The following ZBTB7C variants were observed in gnomAD, a reference collection of about 807,000 sequenced individuals.
ZBTB7C encodes zinc finger and BTB domain containing 7C.
In ZBTB7C, 8 loss-of-function variants were observed where a neutral mutation model predicts 25.7. The ratio of observed to expected loss-of-function variants is 0.31; its 90% CI spans 0.18 to 0.56. The LOEUF (loss-of-function observed/expected upper bound fraction) is 0.56, where lower values mean the gene tolerates loss of function less well. Ranked by LOEUF, ZBTB7C falls within the 20% of genes least tolerant of loss-of-function variation. The pLI is 0.91. For synonymous variants in ZBTB7C, 394 were observed against 369.0 expected (o/e 1.07, Z -0.78); for missense variants, 824 against 855.2 (o/e 0.96, Z 0.46).
intron 2 of ZBTB7C, among the ~76,000 whole-genome samples, chr18:48,316,017 C>T (rs1420678534): frequency 1.3e-5 from 2 of 152,118 alleles, no homozygotes; most frequent in African/African-American, 4.8e-5. Flanking sequence ...AACTCTCCAG[C>T]CCTAGAGACC....
intron 2 of ZBTB7C, among the ~76,000 whole-genome samples, chr18:48,308,923 C>A (rs1598837753): frequency 6.6e-6 from 1 of 151,992 alleles, no homozygotes; most frequent in East Asian, 1.9e-4. Flanking sequence ...AGTCAGAGAA[C>A]CAAAGCTTTA....
At position 48,367,509 on chromosome 18, in the gene ZBTB7C, A is replaced by C. The variant is rs571239054; in HGVS notation, c.-303-29111T>G. On this transcript the variant is annotated intron_variant, in intron 1 of 4. Transcript: ENST00000590800. ...TTTATCCCAGACTTGGAGATGAAGA[A>C]GCCAGCAACCTGGAAATATCAATGC... is the stretch of plus-strand genomic sequence containing the variant. Among the ~76,000 whole-genome samples the C allele has an allele frequency of 4.4e-4, 66 of 151,610 alleles. 3 individuals are homozygous for C. In the South Asian group the frequency reaches 0.014, roughly 32 times the overall value.
At chr18:48,089,477 TC>T (rs1245037192) in intron 3 of ZBTB7C, among the ~76,000 whole-genome samples, 6 of 85,800 alleles carry the variant, frequency 7.0e-5, no homozygotes, top group Admixed American at 3.0e-4. Context: ...AGACTCCATC[TC>T]GAAAAAAAAA....
At chr18:48,363,290 G>A (rs1338629378) in intron 1 of ZBTB7C, among the ~76,000 whole-genome samples, 1 of 152,094 alleles carries the variant, frequency 6.6e-6, no homozygotes, top group African/African-American at 2.4e-5. Context: ...CAATTGAGAA[G>A]GGAGGCCACT....
chr18:48,226,692 G>A lies in ZBTB7C; in HGVS notation c.-78-40697C>T, dbSNP rs2145324359. ...GACAGCATGACTCTCTGGCCAGCTG[G>A]CCACAAGATTGAGTTTGAGCATCAT... On this transcript the variant is annotated intron_variant, in intron 2 of 4. Coordinates refer to ENST00000590800, the MANE Select transcript of ZBTB7C (RefSeq NM_001318841.2). Among the ~76,000 whole-genome samples the A allele has an allele frequency of 1.3e-5, 2 of 152,322 alleles. 1 individual carries two copies. Among genetic ancestry groups the A allele is most frequent in the South Asian group, 4.1e-4 (2 of 4,830 alleles).
At chr18:48,353,002 T>A (rs978742686) in intron 1 of ZBTB7C, among the ~76,000 whole-genome samples, 2 of 152,166 alleles carry the variant, frequency 1.3e-5, no homozygotes, top group African/African-American at 4.8e-5. Flanking sequence ...CTGCTCTACA[T>A]TAAATCAGAA....
intron 2 of ZBTB7C, among the ~76,000 whole-genome samples, chr18:48,238,576 G>C (rs770236628): frequency 2.6e-5 from 4 of 152,180 alleles, no homozygotes; most frequent in Non-Finnish European, 5.9e-5. Context: ...TAAATTTAGA[G>C]AGCCGAATGA....
intron 3 of ZBTB7C, among the ~76,000 whole-genome samples, chr18:48,159,242 C>T (rs901630225): frequency 2.0e-5 from 3 of 152,088 alleles, no homozygotes; most frequent in South Asian, 2.1e-4. Context: ...TTAAGCACAC[C>T]GATCCTAGAG....
intron 1 of ZBTB7C, among the ~76,000 whole-genome samples, chr18:48,379,683 A>G (rs2047594335): frequency 6.6e-6 from 1 of 152,200 alleles, no homozygotes; most frequent in Admixed American, 6.5e-5. Context: ...GAATAAAAAG[A>G]CAAGGCCCAG....
intron 2 of ZBTB7C, among the ~76,000 whole-genome samples, chr18:48,200,909 G>T (rs373095162): frequency 1.4e-4 from 22 of 152,220 alleles, no homozygotes; most frequent in African/African-American, 4.8e-4. Flanking sequence ...ACTGTGGGGA[G>T]AAGCTGAGGT....
At chr18:48,186,080 T>G (rs2145131215) in intron 2 of ZBTB7C, 85 bp from the exon 3 acceptor site, 1 of 152,634 alleles carries the variant, frequency 6.6e-6, no homozygotes, top group Middle Eastern at 3.4e-3. Flanking sequence ...CTCAGGCTTC[T>G]GCACCTTCTC....
chr18:48,084,376 C>T (rs775323690), intron 3 of ZBTB7C, among the ~76,000 whole-genome samples: 30 of 152,168 alleles, frequency 2.0e-4, no homozygotes, highest in Non-Finnish European at 3.7e-4. Context: ...TTTCACATCA[C>T]ACTCTATTTC....
intron 1 of ZBTB7C, among the ~76,000 whole-genome samples, chr18:48,389,669 A>G (rs540396836): frequency 1.3e-5 from 2 of 152,144 alleles, no homozygotes; most frequent in African/African-American, 4.8e-5. Context: ...CTCATTACTG[A>G]AGACCCCAGC....
intron 1 of ZBTB7C, chr18:48,408,691 C>T (rs968826581): frequency 6.6e-6 from 1 of 152,176 alleles, no homozygotes; most frequent in East Asian, 1.9e-4. Flanking sequence ...CTCACCAAAA[C>T]GCTCCCGCGC....
At chr18:48,085,997 C>A (rs2038176916) in intron 3 of ZBTB7C, among the ~76,000 whole-genome samples, 1 of 152,218 alleles carries the variant, frequency 6.6e-6, no homozygotes, top group Non-Finnish European at 1.5e-5. Flanking sequence ...CCTGAGCTGG[C>A]TTACTCTGAA....
At chr18:48,302,219 C>T (rs2045561350) in intron 2 of ZBTB7C, among the ~76,000 whole-genome samples, 1 of 152,222 alleles carries the variant, frequency 6.6e-6, no homozygotes, top group Non-Finnish European at 1.5e-5. Flanking sequence ...CAGAAAGGGA[C>T]ACACAGGCCA....
intron 2 of ZBTB7C, among the ~76,000 whole-genome samples, chr18:48,336,261 T>C (rs959256290): frequency 1.3e-5 from 2 of 152,168 alleles, no homozygotes; most frequent in Non-Finnish European, 2.9e-5. Flanking sequence ...CCAACCCTGT[T>C]AGCAGTCAGA....
At chr18:48,285,044 C>T (rs1488680777) in intron 2 of ZBTB7C, among the ~76,000 whole-genome samples, 4 of 152,202 alleles carry the variant, frequency 2.6e-5, no homozygotes, top group Non-Finnish European at 5.9e-5. Flanking sequence ...CTTGCTGAGA[C>T]TTCTTTAATG....
intron 1 of ZBTB7C, among the ~76,000 whole-genome samples, chr18:48,396,606 C>A (rs1280519691): frequency 6.6e-6 from 1 of 152,178 alleles, no homozygotes. Flanking sequence ...AATAAATCCA[C>A]CGAAGGAAGC....
Sources: allele counts gnomAD v4.1 joint callset (sites outside exome capture counted in the v4.1 genomes callset), GRCh38; gene constraint gnomAD v4.1.1; transcripts MANE v1.5; gene names NCBI Gene and HGNC (gene_info 2026-07-23, HGNC 2026-07-21).